The following PSD3 variants were observed in gnomAD, a reference collection of about 807,000 sequenced individuals.
The protein encoded by PSD3 is pleckstrin and Sec7 domain containing 3.
In PSD3, 49 loss-of-function variants were observed where a neutral mutation model predicts 105.5. The observed-to-expected ratio is 0.46, with a 90% CI of 0.37 to 0.59. PSD3 has a LOEUF of 0.59. Among genes scored for constraint, PSD3 ranks in the 20% least tolerant of loss-of-function variants. The pLI, the probability that PSD3 is intolerant of heterozygous loss-of-function variation, is 0.00. For synonymous variants in PSD3, 557 were observed against 457.8 expected (o/e 1.22, Z -2.77); for missense variants, 1,561 against 1,263.8 (o/e 1.24, Z -3.57).
intron 4 of PSD3, among the ~76,000 whole-genome samples, chr8:18,823,019 A>C (rs1381708688): frequency 6.6e-6 from 1 of 152,126 alleles, no homozygotes; most frequent in Non-Finnish European, 1.5e-5. Context: ...CCATTCTTTA[A>C]TATTATTTCT....
At chr8:18,946,289 A>G (rs10108489) in intron 1 of PSD3, among the ~76,000 whole-genome samples, 99,221 of 151,746 alleles carry the variant, frequency 0.65, 32,653 homozygotes, top group Non-Finnish European at 0.67. Context: ...TTAAAAATAT[A>G]TTTGAGGCCA....
chr8:18,571,493 A>G (rs2717757), intron 14 of PSD3, among the ~76,000 whole-genome samples: 60,961 of 151,426 alleles, frequency 0.4, 12,299 homozygotes, highest in East Asian at 0.52. Context: ...CCTTCCTTGA[A>G]CCTCCACAGC....
At chr8:18,965,037 A>G (rs1329932957) in intron 1 of PSD3, among the ~76,000 whole-genome samples, 1 of 152,208 alleles carries the variant, frequency 6.6e-6, no homozygotes, top group Non-Finnish European at 1.5e-5. Context: ...TTAAAAAGCT[A>G]TTTTTAAATG....
chr8:19,013,878 G>T (rs181305734), upstream of PSD3, among the ~76,000 whole-genome samples: 1,032 of 150,426 alleles, frequency 6.9e-3, 3 homozygotes, highest in Non-Finnish European at 0.011. Context: ...GCCTCGGGGA[G>T]GGGGGAGGTG....
chr8:18,770,604 G>T (rs545229787), intron 8 of PSD3, among the ~76,000 whole-genome samples: 1 of 152,174 alleles, frequency 6.6e-6, no homozygotes, highest in African/African-American at 2.4e-5. Context: ...ACGGCAGCTC[G>T]GGCAAATGCC....
At chr8:19,066,103 G>T (rs1829067537) in intron 1 of PSD3, among the ~76,000 whole-genome samples, 1 of 152,172 alleles carries the variant, frequency 6.6e-6, no homozygotes, top group South Asian at 2.1e-4. Context: ...CCTTAGATGG[G>T]ATGCTGCCCA....
rs1804351818 is a variant in PSD3, at chr8:18,600,442, G to A, written c.2411-8C>T. On this transcript the variant is annotated splice_region_variant and splice_polypyrimidine_tract_variant and intron_variant, in intron 11 of 15. Transcript: ENST00000327040. ...CTCGTTTTCCTCTTGGAGCTAGAAAGGGGGAAAAAATGTAAAATTTTATTT... is the reference window on the plus strand; with the variant it reads ...CTCGTTTTCCTCTTGGAGCTAGAAAAGGGGAAAAAATGTAAAATTTTATTT... 1.9e-6 allele frequency: 3 copies of A among 1,589,918 alleles called. No homozygotes were observed. Among genetic ancestry groups the A allele is most frequent in the Non-Finnish European group, 2.6e-6 (3 of 1,168,798 alleles).
intron 2 of PSD3, among the ~76,000 whole-genome samples, chr8:18,874,226 A>G (rs913741407): frequency 2.0e-5 from 3 of 151,572 alleles, no homozygotes; most frequent in Non-Finnish European, 2.9e-5. Context: ...TAGTGGTACG[A>G]TCTCGGTTCA....
At chr8:18,647,871 C>T (rs1171644483) in intron 10 of PSD3, among the ~76,000 whole-genome samples, 1 of 152,098 alleles carries the variant, frequency 6.6e-6, no homozygotes, top group Non-Finnish European at 1.5e-5. Flanking sequence ...GTGTGGGGCA[C>T]CTGCCCCCTC....
chr8:18,671,878 G>A (rs1042061738), intron 9 of PSD3, among the ~76,000 whole-genome samples: 1 of 152,052 alleles, frequency 6.6e-6, no homozygotes, highest in South Asian at 2.1e-4. Context: ...TTATCCGCCC[G>A]CCTTGGCCTC....
At chr8:18,817,321 T>A (rs913340686) in intron 4 of PSD3, among the ~76,000 whole-genome samples, 1 of 152,200 alleles carries the variant, frequency 6.6e-6, no homozygotes, top group Non-Finnish European at 1.5e-5. Context: ...CCTGTAATTC[T>A]GCAGTACCTC....
At chr8:18,608,909 C>G (rs1045434614) in intron 11 of PSD3, among the ~76,000 whole-genome samples, 3 of 152,146 alleles carry the variant, frequency 2.0e-5, no homozygotes, top group Non-Finnish European at 4.4e-5. Flanking sequence ...CTATTTCATT[C>G]AAATGGCAGA....
Position 18,723,968 on chromosome 8 carries a change from C to A in PSD3, c.2172+41481G>T, listed in dbSNP as rs867802455. Reference sequence around the variant, plus strand: ...TACCTAAGGAAGCTTCCAGTAGTCACAGCAGTGAAACACTATCACAGCCAT... The same window carrying A: ...TACCTAAGGAAGCTTCCAGTAGTCAAAGCAGTGAAACACTATCACAGCCAT... On this transcript the variant is annotated intron_variant, in intron 9 of 15. Transcript: ENST00000327040. Among the ~76,000 whole-genome samples, 3 of 152,176 alleles carry A rather than the reference C, an allele frequency of 2.0e-5. No individual in the cohort carries two copies. The Middle Eastern group carries it at 0.01, about 518-fold the overall frequency.
At chr8:18,762,260 ATC>A (rs766480247) in intron 9 of PSD3, among the ~76,000 whole-genome samples, 28 of 152,136 alleles carry the variant, frequency 1.8e-4, no homozygotes, top group Admixed American at 1.4e-3. Flanking sequence ...AGTGTGCAGC[ATC>A]TCCTTCCTTC....
intron 13 of PSD3, among the ~76,000 whole-genome samples, chr8:18,574,508 A>G (rs1397597578): frequency 6.6e-6 from 1 of 152,178 alleles, no homozygotes; most frequent in East Asian, 1.9e-4. Context: ...TTGTTTCCTT[A>G]TAACCTCCCC....
chr8:18,625,138 T>C (rs983386632), intron 11 of PSD3, among the ~76,000 whole-genome samples: 2 of 152,074 alleles, frequency 1.3e-5, no homozygotes, highest in South Asian at 2.1e-4. Flanking sequence ...CAAATTTTTA[T>C]CTTTAATCTA....
chr8:18,978,759 A>T (rs1261266544), intron 1 of PSD3, among the ~76,000 whole-genome samples: 1 of 152,110 alleles, frequency 6.6e-6, no homozygotes, highest in Admixed American at 6.5e-5. Context: ...AGAAGCAGCA[A>T]AGCAGACATA....
At chr8:18,619,509 G>T (rs1178497918) in intron 11 of PSD3, among the ~76,000 whole-genome samples, 1 of 152,072 alleles carries the variant, frequency 6.6e-6, no homozygotes, top group Admixed American at 6.5e-5. Context: ...CGGGTGTGGT[G>T]GTGCGTGCCT....
In PSD3 at chr8:18,660,587, A is replaced by T. The variant is rs116313467; in HGVS notation, c.2173-4902T>A. On this transcript the variant is annotated intron_variant, in intron 9 of 15. Coordinates refer to ENST00000327040, the MANE Select transcript of PSD3 (RefSeq NM_015310.4). ...TTCCCCACAGTGGTCTTATCTAAAGATGTGACAGTGCACAAGAAAATCAAC... is the reference window on the plus strand; with the variant it reads ...TTCCCCACAGTGGTCTTATCTAAAGTTGTGACAGTGCACAAGAAAATCAAC... 4.1e-3 allele frequency among the ~76,000 whole-genome samples: 628 copies of T among 152,318 alleles called. 4 individuals are homozygous for T. The highest frequency in any genetic ancestry group is 0.014 in the African/African-American group (575 of 41,566).
Sources: gnomAD v4.1 joint callset for allele counts (sites outside exome capture counted in the v4.1 genomes callset) on GRCh38, gnomAD v4.1.1 for gene constraint, MANE v1.5 for transcripts, NCBI Gene and HGNC (gene_info 2026-07-23, HGNC 2026-07-21) for gene names.